The following HEMK2 variants were observed in gnomAD, a reference collection of about 807,000 sequenced individuals.
HEMK2 encodes the protein HemK methyltransferase 2, ETF1 glutamine and histone H4 lysine.
the HEMK2 span, chr21:28,876,544 G>C: frequency 1.8e-6 from 2 of 1,114,456 alleles, no homozygotes; most frequent in Admixed American, 4.5e-5. Flanking sequence ...TAGTGTGCAT[G>C]ATCAATAAGC....
At chr21:28,603,998 C>G in the HEMK2 span, among the ~76,000 whole-genome samples, 2 of 152,174 alleles carry the variant, frequency 1.3e-5, no homozygotes, top group Admixed American at 6.5e-5. Flanking sequence ...GGCAGGCCAA[C>G]TGCTATAGGG....
chr21:28,671,291 A>G, the HEMK2 span: 13 of 152,204 alleles, frequency 8.5e-5, no homozygotes, highest in Non-Finnish European at 1.3e-4. Flanking sequence ...GGAGAGAAGC[A>G]GTGCACTGTT....
the HEMK2 span, among the ~76,000 whole-genome samples, chr21:28,595,976 G>A: frequency 6.6e-6 from 1 of 151,650 alleles, no homozygotes; most frequent in African/African-American, 2.4e-5. Flanking sequence ...AGTAGAGACG[G>A]GGTTTCACCA....
the HEMK2 span, among the ~76,000 whole-genome samples, chr21:28,715,951 A>C: frequency 6.6e-6 from 1 of 152,180 alleles, no homozygotes; most frequent in Non-Finnish European, 1.5e-5. Flanking sequence ...AGATGATTGT[A>C]CGCAGGAGGC....
the HEMK2 span, among the ~76,000 whole-genome samples, chr21:28,733,707 C>T: frequency 6.6e-6 from 1 of 152,020 alleles, no homozygotes; most frequent in African/African-American, 2.4e-5. Flanking sequence ...AGCCTGATTG[C>T]CACCCTTTGC....
the HEMK2 span, among the ~76,000 whole-genome samples, chr21:28,600,412 T>C: frequency 6.6e-6 from 1 of 152,366 alleles, no homozygotes; most frequent in African/African-American, 2.4e-5. Flanking sequence ...TTGGCCCCTT[T>C]TGGCCATGGC....
chr21:28,854,695 C>A, the HEMK2 span, among the ~76,000 whole-genome samples: 1 of 152,142 alleles, frequency 6.6e-6, no homozygotes, highest in African/African-American at 2.4e-5. Context: ...GAGAAAGATG[C>A]AGGCTGGGAG....
chr21:28,818,814 A>G, the HEMK2 span, among the ~76,000 whole-genome samples: 1 of 152,176 alleles, frequency 6.6e-6, no homozygotes, highest in African/African-American at 2.4e-5. Flanking sequence ...TGTGGTTTTC[A>G]TGGCCTCCCC....
At chr21:28,827,303 A>T in the HEMK2 span, among the ~76,000 whole-genome samples, 3 of 152,204 alleles carry the variant, frequency 2.0e-5, no homozygotes, top group African/African-American at 7.2e-5. Context: ...GCCTTGTATT[A>T]TTCTCAGTGC....
chr21:28,834,794 C>T, the HEMK2 span, among the ~76,000 whole-genome samples: 2 of 152,114 alleles, frequency 1.3e-5, no homozygotes, highest in Admixed American at 1.3e-4. Flanking sequence ...GAATGGGGAT[C>T]TGGTGGTGGG....
chr21:28,783,054 A>C, the HEMK2 span, among the ~76,000 whole-genome samples: 1 of 152,148 alleles, frequency 6.6e-6, no homozygotes, highest in African/African-American at 2.4e-5. Flanking sequence ...TTGGGAACAG[A>C]AGTATTTTGG....
At chr21:28,625,463 G>A in the HEMK2 span, among the ~76,000 whole-genome samples, 1 of 152,120 alleles carries the variant, frequency 6.6e-6, no homozygotes, top group African/African-American at 2.4e-5. Context: ...GCTCATGCCT[G>A]GAATCCCAGC....
the HEMK2 span, among the ~76,000 whole-genome samples, chr21:28,774,851 ATATT>A: frequency 1.3e-5 from 2 of 152,176 alleles, no homozygotes; most frequent in Non-Finnish European, 2.9e-5. Context: ...CATCTTTGTA[ATATT>A]TATTTAATTT....
chr21:28,850,580 G>A, the HEMK2 span, among the ~76,000 whole-genome samples: 6 of 152,176 alleles, frequency 3.9e-5, no homozygotes, highest in East Asian at 9.6e-4. Flanking sequence ...ATAAGTGAAG[G>A]GGAAATAAAC....
chr21:28,877,288 G>GGAAGGAAGGAAGGAAGGAAGGAAA, the HEMK2 span, among the ~76,000 whole-genome samples: 1 of 132,854 alleles, frequency 7.5e-6, no homozygotes, highest in Admixed American at 8.1e-5. Context: ...AAGGAAGGAA[G>GGAAGGAAGGAAGGAAGGAAGGAAA]GAAGGAAGGA....
chr21:28,752,745 G>C, the HEMK2 span, among the ~76,000 whole-genome samples: 354 of 152,296 alleles, frequency 2.3e-3, no homozygotes, highest in African/African-American at 8.1e-3. Flanking sequence ...AGAAATGAGA[G>C]AGAAAGGGAT....
the HEMK2 span, among the ~76,000 whole-genome samples, chr21:28,831,467 G>GAAAAGAAAGA: frequency 1.0e-3 from 24 of 23,484 alleles, 1 homozygote; most frequent in African/African-American, 2.2e-3. Context: ...AAGAACGAAA[G>GAAAAGAAAGA]AAAGAAAGAA....
At chr21:28,719,277 G>A in the HEMK2 span, among the ~76,000 whole-genome samples, 1 of 152,174 alleles carries the variant, frequency 6.6e-6, no homozygotes, top group Non-Finnish European at 1.5e-5. Flanking sequence ...ATATCTTTCA[G>A]ATGAGTCCCC....
the HEMK2 span, among the ~76,000 whole-genome samples, chr21:28,877,316 GAAAGAA>G: frequency 4.1e-3 from 543 of 134,020 alleles, 4 homozygotes; most frequent in African/African-American, 0.014. Flanking sequence ...GAGAAAGAGA[GAAAGAA>G]AGAAAAAGAA....
Sources: gnomAD v4.1 joint callset for allele counts (sites outside exome capture counted in the v4.1 genomes callset) on GRCh38, gnomAD v4.1.1 for gene constraint, MANE v1.5 for transcripts, NCBI Gene and HGNC (gene_info 2026-07-23, HGNC 2026-07-21) for gene names.